The following COBLL1 variants were observed in gnomAD, a reference collection of about 807,000 sequenced individuals.
COBLL1 encodes the protein cordon-bleu WH2 repeat protein like 1, also known as cordon-bleu protein-like 1.
A neutral mutation model predicts 94.8 loss-of-function variants in COBLL1; 50 were observed. The observed-to-expected ratio is 0.53, with a 90% CI of 0.42 to 0.67. COBLL1 has a LOEUF of 0.67. COBLL1 is among the 30% of genes least tolerant of loss of function. The probability of loss-of-function intolerance (pLI) is 0.00; values close to 1 mark genes in which losing one functional copy is unlikely to be tolerated. For missense variants in COBLL1, 1,362 were observed against 1,348.7 expected, an observed-to-expected ratio of 1.01 and a Z score of -0.15; for synonymous variants, 448 against 473.8, an observed-to-expected ratio of 0.95 and a Z score of 0.71.
At chr2:164,736,607 C>A (rs1237265846) in intron 3 of COBLL1, among the ~76,000 whole-genome samples, 1 of 152,090 alleles carries the variant, frequency 6.6e-6, no homozygotes, top group Non-Finnish European at 1.5e-5. Flanking sequence ...TAATTACCAT[C>A]ATAAAAATTG....
downstream of COBLL1, among the ~76,000 whole-genome samples, chr2:164,678,742 A>G (rs1004898537): frequency 6.6e-6 from 1 of 152,158 alleles, no homozygotes; most frequent in Non-Finnish European, 1.5e-5. Context: ...AAGGCAAATG[A>G]CCTAGTGGAA....
intron 2 of COBLL1, among the ~76,000 whole-genome samples, chr2:164,839,069 A>T (rs1474864132): frequency 6.6e-6 from 1 of 152,186 alleles, no homozygotes; most frequent in Non-Finnish European, 1.5e-5. Context: ...TGAAGTAGAG[A>T]GGTAATTTTT....
At chr2:164,720,204 CAGATGTCCAGATCAAA>C (rs1362227812) in intron 7 of COBLL1, among the ~76,000 whole-genome samples, 1 of 151,834 alleles carries the variant, frequency 6.6e-6, no homozygotes, top group African/African-American at 2.4e-5. Context: ...AAGAACTATC[CAGATGTCCAGATCAAA>C]AGAAAAAATA....
At chr2:164,820,929 CCA>C (rs1171390579) in intron 2 of COBLL1, among the ~76,000 whole-genome samples, 1 of 152,138 alleles carries the variant, frequency 6.6e-6, no homozygotes, top group African/African-American at 2.4e-5. Context: ...GCTCTGTCGC[CCA>C]GACTGGAGTG....
intron 2 of COBLL1, among the ~76,000 whole-genome samples, chr2:164,764,807 C>G (rs1461212844): frequency 6.6e-6 from 1 of 152,076 alleles, no homozygotes; most frequent in African/African-American, 2.4e-5. Context: ...TTTTAAAAAT[C>G]CATGAGTTAT....
rs147029516 is a variant in COBLL1 at position 164,748,033 on chromosome 2, G to C, written c.42-4158C>G. 3.3e-5 allele frequency among the ~76,000 whole-genome samples: 5 copies of C among 152,202 alleles called. 1 individual carries two copies. The highest frequency in any genetic ancestry group is 1.9e-4 in the East Asian group (1 of 5,178). On this transcript the variant is annotated intron_variant, in intron 2 of 13. Transcript: ENST00000652658. ...AAGCCAGCTGAGACCAGCTGTGTGTGGTGGGGAGCAGGATCAAGGCATGCT... is the reference window on the plus strand; with the variant it reads ...AAGCCAGCTGAGACCAGCTGTGTGTCGTGGGGAGCAGGATCAAGGCATGCT...
chr2:164,827,503 A>G (rs960600088), intron 2 of COBLL1, among the ~76,000 whole-genome samples: 1 of 152,146 alleles, frequency 6.6e-6, no homozygotes, highest in Non-Finnish European at 1.5e-5. Context: ...GATTTCTTGC[A>G]TTTCTGAGAC....
intron 2 of COBLL1, among the ~76,000 whole-genome samples, chr2:164,775,749 T>C (rs1171686248): frequency 3.3e-5 from 5 of 152,154 alleles, no homozygotes; most frequent in Non-Finnish European, 7.4e-5. Context: ...CCACGGCACC[T>C]GGCCCTTGGT....
chr2:164,730,610 G>C (rs1174307903), intron 3 of COBLL1, among the ~76,000 whole-genome samples: 1 of 152,138 alleles, frequency 6.6e-6, no homozygotes, highest in Admixed American at 6.6e-5. Context: ...AAAGTCCTGG[G>C]ATAGTCAAGA....
chr2:164,705,071 G>A lies in COBLL1; in HGVS notation c.1031C>T (p.Ser344Leu). ...PCEAGRVRAGSLQLSSMSAGN... is the reference protein window; with the variant it reads ...PCEAGRVRAGLLQLSSMSAGN... ...TGCAGACATGCTGCTGAGCTGCAGT[G>A]AACCTGCCCTCACTCTTCCTGCTTC... Residue 344 changes from serine to leucine, a missense_variant, in exon 8 of 14, where the codon TCA becomes TTA. Physicochemically the swap from Ser to Leu is moderately radical, Grantham distance 145. Transcript: ENST00000652658. The A allele has an allele frequency of 6.4e-7, 1 of 1,573,814 alleles. No homozygotes were observed. The highest frequency in any genetic ancestry group is 1.2e-5 in the South Asian group (1 of 83,924).
At chr2:164,687,837 T>G (rs879904214) in intron 13 of COBLL1, 6 of 310,386 alleles carry the variant, frequency 1.9e-5, no homozygotes, top group Non-Finnish European at 3.0e-5. Flanking sequence ...AGGATAATTA[T>G]TTTGTAATCC....
At chr2:164,742,876 C>T (rs1203055125) in intron 3 of COBLL1, among the ~76,000 whole-genome samples, 3 of 151,782 alleles carry the variant, frequency 2.0e-5, no homozygotes, top group African/African-American at 7.3e-5. Context: ...AGAGAGCGAG[C>T]GAGCGAGCTA....
Position 164,694,683 on chromosome 2 carries a change from CTCTT to C in COBLL1, c.2705_2708del (p.Lys902ArgfsTer17). The C allele has an allele frequency of 1.2e-6, 2 of 1,613,734 alleles. No homozygotes were observed. The highest frequency in any genetic ancestry group is 1.7e-6 in the Non-Finnish European group (2 of 1,179,946). Reference sequence around the variant, plus strand: ...GAGAAGGCAGCATATCCCTTTCTGCCTCTTTATTTGTCAGTTCTTTTGGAGCAGG... The same window carrying C: ...GAGAAGGCAGCATATCCCTTTCTGCCTATTTGTCAGTTCTTTTGGAGCAGG... On this transcript the variant is annotated frameshift_variant, in exon 12 of 14. Transcript: ENST00000652658. LOFTEE classifies it high-confidence loss of function.
intron 2 of COBLL1, among the ~76,000 whole-genome samples, chr2:164,810,402 A>C (rs940863576): frequency 1.3e-5 from 2 of 151,672 alleles, no homozygotes; most frequent in African/African-American, 4.8e-5. Flanking sequence ...TAATTATATA[A>C]GTATATGCCA....
rs190679575 is a variant in COBLL1 at position 164,838,767 on chromosome 2, A to C, written c.41+2389T>G. 2.0e-5 allele frequency among the ~76,000 whole-genome samples: 3 copies of C among 152,370 alleles called. No individual in the cohort carries two copies. In the East Asian group the frequency reaches 5.8e-4, roughly 29 times the overall value. ...TTTCCAACAGTAATATCCAAGGATA[A>C]AGACTAAACTAGGCTTCATTGTCTA... On this transcript the variant is annotated intron_variant, in intron 2 of 13. Coordinates refer to ENST00000652658, the MANE Select transcript of COBLL1 (RefSeq NM_001365672.2).
intron 4 of COBLL1, among the ~76,000 whole-genome samples, chr2:164,729,668 T>C (rs1685885827): frequency 6.6e-6 from 1 of 152,170 alleles, no homozygotes; most frequent in Admixed American, 6.5e-5. Context: ...AAAATACAAA[T>C]CATTCATAAT....
At chr2:164,727,881 C>T in intron 5 of COBLL1, 88 bp downstream of exon 5, 1 of 859,126 alleles carries the variant, frequency 1.2e-6, no homozygotes, top group African/African-American at 1.7e-5. Flanking sequence ...CCATTATGAA[C>T]TTGAGAACAC....
chr2:164,678,697 G>A (rs546642742), downstream of COBLL1, among the ~76,000 whole-genome samples: 35 of 152,152 alleles, frequency 2.3e-4, no homozygotes, highest in African/African-American at 8.4e-4. Flanking sequence ...CTAATAATGA[G>A]CTAGTATCAA....
In COBLL1 at chr2:164,680,409, T is replaced by C. The variant is rs1451279471; in HGVS notation, c.*5537A>G. On this transcript the variant is annotated 3_prime_UTR_variant, in exon 14 of 14. Transcript: ENST00000652658. ...ATCCAAAACCCACCAACAGAAATCA[T>C]CCAAAAAGTTTCTTCACTATGAACC... is the stretch of plus-strand genomic sequence containing the variant. 1.3e-5 allele frequency: 2 copies of C among 152,080 alleles called. No individual in the cohort carries two copies. Among genetic ancestry groups the C allele is most frequent in the African/African-American group, 4.8e-5 (2 of 41,414 alleles). 9.4% of individuals were successfully genotyped at this position (152,080 alleles called of 1,614,324 possible). A position where few individuals can be genotyped will look rare whatever the true frequency, so the allele number is the denominator to read the frequency against.
Sources: gnomAD v4.1 joint callset for allele counts (sites outside exome capture counted in the v4.1 genomes callset) on GRCh38, gnomAD v4.1.1 for gene constraint, MANE v1.5 for transcripts, NCBI Gene and HGNC (gene_info 2026-07-23, HGNC 2026-07-21) for gene names.